Variants in EML4 observed in about 807,000 individuals in gnomAD.
EML4 encodes echinoderm microtubule-associated protein-like 4.
Under a neutral mutation model 129.0 loss-of-function variants are expected in EML4, and 72 were observed. The observed-to-expected ratio is 0.56, with a 90% CI of 0.46 to 0.68. The LOEUF (loss-of-function observed/expected upper bound fraction) is 0.68. Among genes scored for constraint, EML4 ranks in the 30% least tolerant of loss-of-function variants. EML4 has a pLI of 0.00. For missense variants in EML4, 1,363 were observed against 1,190.6 expected (o/e 1.14, Z -2.13); for synonymous variants, 532 against 405.0 (o/e 1.31, Z -3.77).
At chr2:42,245,382 C>T in intron 1 of EML4, 123 bp from the exon 2 acceptor site, 1 of 884,656 alleles carries the variant, frequency 1.1e-6, no homozygotes, top group Non-Finnish European at 1.7e-6. Flanking sequence ...AGGCACGAGC[C>T]ACTTCACCTA....
intron 20 of EML4, 179 bp from the exon 21 acceptor site, chr2:42,325,975 T>G (rs765866078): frequency 3.8e-6 from 2 of 520,728 alleles, no homozygotes; most frequent in African/African-American, 2.0e-5. Context: ...GGAAACAGTT[T>G]GTAGTTTTAT....
intron 1 of EML4, among the ~76,000 whole-genome samples, chr2:42,186,683 C>T (rs1019724261): frequency 2.6e-5 from 4 of 152,116 alleles, no homozygotes; most frequent in African/African-American, 9.7e-5. Flanking sequence ...AATGCATTCT[C>T]GATAGCAAAT....
At chr2:42,229,714 G>C (rs1674201130) in intron 1 of EML4, among the ~76,000 whole-genome samples, 1 of 152,088 alleles carries the variant, frequency 6.6e-6, no homozygotes, top group South Asian at 2.1e-4. Flanking sequence ...ATAAAAAATA[G>C]TAAGAGGAAA....
intron 21 of EML4, among the ~76,000 whole-genome samples, chr2:42,327,242 A>G (rs1240631064): frequency 1.3e-5 from 2 of 152,234 alleles, no homozygotes; most frequent in East Asian, 3.8e-4. Context: ...TAATTCATTC[A>G]TCAGCTGATG....
chr2:42,199,767 C>T (rs1051379431), intron 1 of EML4, among the ~76,000 whole-genome samples: 13 of 151,856 alleles, frequency 8.6e-5, no homozygotes, highest in Admixed American at 7.9e-4. Context: ...GGAGAGTGAG[C>T]GGGTAAGCAA....
At chr2:42,278,834 G>A (rs547158848) in intron 6 of EML4, among the ~76,000 whole-genome samples, 32 of 152,186 alleles carry the variant, frequency 2.1e-4, no homozygotes, top group African/African-American at 7.5e-4. Flanking sequence ...TACTCGGGAG[G>A]CTGAGGCAGG....
intron 1 of EML4, among the ~76,000 whole-genome samples, chr2:42,217,026 T>C (rs960995852): frequency 1.3e-5 from 2 of 152,218 alleles, no homozygotes; most frequent in African/African-American, 4.8e-5. Context: ...TTTTCAACTG[T>C]AATAAAACAT....
chr2:42,203,351 G>A (rs1346968825), intron 1 of EML4, among the ~76,000 whole-genome samples: 1 of 152,128 alleles, frequency 6.6e-6, no homozygotes, highest in African/African-American at 2.4e-5. Flanking sequence ...TTGTTTATCA[G>A]AGGATCTGAA....
intron 2 of EML4, among the ~76,000 whole-genome samples, chr2:42,251,884 T>C (rs1328066783): frequency 6.6e-6 from 1 of 152,230 alleles, no homozygotes; most frequent in Non-Finnish European, 1.5e-5. Flanking sequence ...GCATATATAT[T>C]TGTTGCTCCC....
intron 1 of EML4, among the ~76,000 whole-genome samples, chr2:42,241,844 A>T (rs1212053203): frequency 6.7e-6 from 1 of 149,454 alleles, no homozygotes; most frequent in African/African-American, 2.5e-5. Flanking sequence ...TCCAGTGTAA[A>T]ATATAGATTG....
intron 3 of EML4, among the ~76,000 whole-genome samples, chr2:42,259,406 TAGC>T (rs1290139528): frequency 6.6e-6 from 1 of 152,166 alleles, no homozygotes; most frequent in African/African-American, 2.4e-5. Context: ...TGGTTAGGAA[TAGC>T]AGGTGGTTTA....
chr2:42,257,678 T>TAAAA (rs948556455), intron 3 of EML4, among the ~76,000 whole-genome samples: 49 of 151,674 alleles, frequency 3.2e-4, no homozygotes, highest in Admixed American at 2.0e-3. Context: ...TACTAAAAAA[T>TAAAA]ACAAAAAAAA....
chr2:42,181,737 C>G (rs1193488665), intron 1 of EML4, among the ~76,000 whole-genome samples: 1 of 152,124 alleles, frequency 6.6e-6, no homozygotes, highest in African/African-American at 2.4e-5. Context: ...TGAAGACTTT[C>G]TTGTTTTGTG....
chr2:42,311,710 G>T (rs999488826), intron 17 of EML4, among the ~76,000 whole-genome samples: 3 of 152,040 alleles, frequency 2.0e-5, no homozygotes, highest in Non-Finnish European at 4.4e-5. Flanking sequence ...AAAGGCACTT[G>T]GCATCAGCTT....
At chr2:42,282,705 T>C in intron 7 of EML4, 118 bp from the exon 8 acceptor site, 1 of 915,648 alleles carries the variant, frequency 1.1e-6, no homozygotes, top group South Asian at 1.5e-5. Flanking sequence ...ACATGAGTTT[T>C]CTAGTTCTAG....
rs182648160 is a variant in EML4 at position 42,245,435 on chromosome 2, T to C, written c.26-70T>C. ...CTTTTGTAAGTCTTATGTGGGATGG[T>C]TTTTCTAATCAGAAATTACTTCTCA... On this transcript the variant is annotated intron_variant, in intron 1 of 22. Transcript: ENST00000318522. The C allele has an allele frequency of 1.1e-4, 150 of 1,411,818 alleles. 1 individual carries two copies. In the East Asian group the frequency reaches 3.4e-3, roughly 32 times the overall value. 87.5% of individuals were successfully genotyped at this position (1,411,818 alleles called of 1,614,324 possible).
intron 1 of EML4, among the ~76,000 whole-genome samples, chr2:42,243,877 A>G (rs1675194640): frequency 6.6e-6 from 1 of 152,184 alleles, no homozygotes; most frequent in South Asian, 2.1e-4. Context: ...CAGTGTGAGA[A>G]AAAAACAGTA....
At chr2:42,264,559 A>T (rs888037497) in intron 5 of EML4, 147 bp from the exon 6 acceptor site, 3 of 619,724 alleles carry the variant, frequency 4.8e-6, no homozygotes, top group South Asian at 3.9e-5. Context: ...GAGAAACTTT[A>T]AAAAATGCTG....
At chr2:42,313,562 C>G (rs1022997045) in intron 17 of EML4, among the ~76,000 whole-genome samples, 4 of 152,068 alleles carry the variant, frequency 2.6e-5, no homozygotes, top group African/African-American at 9.7e-5. Flanking sequence ...TTTCTCTCTT[C>G]TAAATATTTC....
Sources: gnomAD v4.1 joint callset for allele counts (sites outside exome capture counted in the v4.1 genomes callset) on GRCh38, gnomAD v4.1.1 for gene constraint, MANE v1.5 for transcripts, NCBI Gene and HGNC (gene_info 2026-07-23, HGNC 2026-07-21) for gene names.